Variants in SLC12A4 observed in about 807,000 individuals in gnomAD.
SLC12A4 encodes the protein solute carrier family 12 member 4.
A neutral mutation model predicts 119.2 loss-of-function variants in SLC12A4; 84 were observed. The observed-to-expected ratio is 0.70, with a 90% confidence interval of 0.59 to 0.85. The LOEUF (loss-of-function observed/expected upper bound fraction) is 0.85, where lower values mean the gene tolerates loss of function less well. SLC12A4 is among the 40% of genes least tolerant of loss of function. The pLI is 0.00. For synonymous variants in SLC12A4, 599 were observed against 604.6 expected, an observed-to-expected ratio of 0.99 and a Z score of 0.14; for missense variants, 1,298 against 1,476.3, an observed-to-expected ratio of 0.88 and a Z score of 1.98.
At chr16:67,946,852 G>A in intron 17 of SLC12A4, 85 bp downstream of exon 17, 1 of 1,479,442 alleles carries the variant, frequency 6.8e-7, no homozygotes, top group Non-Finnish European at 9.1e-7. Flanking sequence ...TGGCCACCCT[G>A]GCCAAGACTG....
rs769702101 is a variant in SLC12A4, at chr16:67,950,426, C to T, written c.1522G>A (p.Val508Ile). ...CACGTTGAAAAGAAGGAGCCGATGA[C>T]GATGACCCAGGGTGAAGGCCAGGCC... is the stretch of plus-strand genomic sequence containing the variant. ...TLAWPSPWVI[V>I]IGSFFSTCGA... The change falls in exon 12 of 24, where the codon GTC becomes ATC. Residue 508 changes from valine to isoleucine, a missense_variant. Transcript: ENST00000316341. The surrounding 1 kb of genome is among the most constrained non-coding windows in gnomAD (Gnocchi z 4.3). 30 of 1,613,918 alleles carry T rather than the reference C, an allele frequency of 1.9e-5. No individual in the cohort carries two copies. The highest frequency in any genetic ancestry group is 4.4e-5 in the South Asian group (4 of 91,090).
chr16:67,961,827 T>G, intron 2 of SLC12A4, 121 bp from the exon 3 acceptor site: 2 of 1,315,072 alleles, frequency 1.5e-6, no homozygotes, highest in Non-Finnish European at 2.1e-6. Flanking sequence ...CTGATCCCAG[T>G]TCCTACCTGG....
chr16:67,947,962 C>A, intron 14 of SLC12A4, 99 bp downstream of exon 14: 2 of 1,487,162 alleles, frequency 1.3e-6, no homozygotes, highest in Non-Finnish European at 1.9e-6. Flanking sequence ...TCTCCCTCCC[C>A]ACAGTGTTTC....
intron 6 of SLC12A4, chr16:67,954,213 G>A: frequency 2.8e-6 from 1 of 352,130 alleles, no homozygotes; most frequent in Non-Finnish European, 5.7e-6. Context: ...TTCTGTGGCT[G>A]CTTACCCTGA....
intron 1 of SLC12A4, among the ~76,000 whole-genome samples, chr16:67,965,149 T>A (rs2030806532): frequency 6.6e-6 from 1 of 152,224 alleles, no homozygotes; most frequent in Non-Finnish European, 1.5e-5. Flanking sequence ...GGCGGGGTCA[T>A]GTCGGACACT....
rs747357042 is a variant in SLC12A4 at position 67,950,296 on chromosome 16, T to TG, written c.1629+22dup. On this transcript the variant is annotated intron_variant, in intron 12 of 23. Coordinates refer to ENST00000316341, the MANE Select transcript of SLC12A4 (RefSeq NM_005072.5). This position sits in a 1 kb window ranked among gnomAD's most constrained non-coding sequence, Gnocchi z 4.3. ...CGAGGGCCTGGGAGCAGCCAGGCCA[T>TG]GGGGGAGTGCAGAGGGGCTCACCCG... 2.4e-5 allele frequency: 38 copies of TG among 1,610,244 alleles called. 1 individual carries two copies. In the Middle Eastern group the frequency reaches 8.6e-4, roughly 36 times the overall value.
rs570748244 is a variant in SLC12A4 at position 67,964,557 on chromosome 16, C to A, written c.116-998G>T. 9.2e-5 allele frequency among the ~76,000 whole-genome samples: 14 copies of A among 152,280 alleles called. No individual in the cohort carries two copies. In the South Asian group the frequency reaches 2.9e-3, roughly 32 times the overall value. ...GTTCCCTCCACCCCAGCTACCCTCG[C>A]AGCCCCGGCCCTGGCTCAAGGCCTC... On this transcript the variant is annotated intron_variant, in intron 1 of 23. Transcript: ENST00000316341.
At chr16:67,948,841 T>G (rs1598213726) in intron 13 of SLC12A4, among the ~76,000 whole-genome samples, 2 of 146,916 alleles carry the variant, frequency 1.4e-5, no homozygotes, top group African/African-American at 2.5e-5. Flanking sequence ...GAGGAAGGGG[T>G]GTGGGGGGGT....
chr16:67,954,840 C>A (rs2151332013), intron 5 of SLC12A4, 67 bp from the exon 6 acceptor site: 2 of 1,591,880 alleles, frequency 1.3e-6, no homozygotes, highest in South Asian at 2.2e-5. Context: ...CTCCCTGTGA[C>A]AAGCCTGCAC....
At chr16:67,963,783 G>T in intron 1 of SLC12A4, 1 of 1,158,896 alleles carries the variant, frequency 8.6e-7, no homozygotes, top group Non-Finnish European at 1.2e-6. Flanking sequence ...TCCCTCCAGT[G>T]AAGGGAATCC....
In SLC12A4 at chr16:67,950,584, G is replaced by T; in HGVS notation, c.1454+70C>A. ...GCCAGCAGGCTTAGGACCACCCACG[G>T]GGTTGGGAGCTGGTGTGAGGGCAGG... On this transcript the variant is annotated intron_variant, in intron 11 of 23. Coordinates refer to ENST00000316341, the MANE Select transcript of SLC12A4 (RefSeq NM_005072.5). The surrounding 1 kb of genome is among the most constrained non-coding windows in gnomAD (Gnocchi z 4.3). 1 of 1,607,244 alleles carries T rather than the reference G, an allele frequency of 6.2e-7. No individual in the cohort carries two copies. Among genetic ancestry groups the T allele is most frequent in the Non-Finnish European group, 8.5e-7 (1 of 1,176,008 alleles).
chr16:67,943,735 C>A lies in SLC12A4; in HGVS notation c.*1105G>T, dbSNP rs568288823. 2 of 584,708 alleles carry A rather than the reference C, an allele frequency of 3.4e-6. No homozygotes were observed. The highest frequency in any genetic ancestry group is 2.4e-5 in the South Asian group (1 of 42,218). The allele number at this position is 584,708 out of a possible 1,614,324, so 36.2% of individuals were successfully genotyped here. A position where few individuals can be genotyped will look rare whatever the true frequency, so the allele number is the denominator to read the frequency against. On this transcript the variant is annotated 3_prime_UTR_variant, in exon 24 of 24. Coordinates refer to ENST00000316341, the MANE Select transcript of SLC12A4 (RefSeq NM_005072.5). This position sits in a 1 kb window ranked among gnomAD's most constrained non-coding sequence, Gnocchi z 4.6. ...CACACCCCGTCCCCCACTCCGCCCC[C>A]CCTGGGTTAGACAACTGAGAGTCAC...
rs121908051 is a variant in SLC12A4, at chr16:67,944,001, G to T, written c.*839C>A. ...GAGCTCAGCCTTGGGCGTGGTGTGC[G>T]GGGGGAAGAGCACATTGAGGAGCCA... On this transcript the variant is annotated 3_prime_UTR_variant, in exon 24 of 24. Transcript: ENST00000316341. The surrounding 1 kb of genome is among the most constrained non-coding windows in gnomAD (Gnocchi z 6.6). 6 of 1,548,214 alleles carry T rather than the reference G, an allele frequency of 3.9e-6. No homozygotes were observed. Among genetic ancestry groups the T allele is most frequent in the Non-Finnish European group, 5.2e-6 (6 of 1,145,686 alleles).
chr16:67,963,945 GC>G (rs1351718225), intron 1 of SLC12A4: 1 of 1,551,320 alleles, frequency 6.4e-7, no homozygotes, highest in Non-Finnish European at 8.7e-7. Flanking sequence ...TGTGCAGGAT[GC>G]CAAGGGTTCG....
At chr16:67,965,948 G>A (rs2030849554) in intron 1 of SLC12A4, among the ~76,000 whole-genome samples, 1 of 152,184 alleles carries the variant, frequency 6.6e-6, no homozygotes. Context: ...GGAGCTGCAG[G>A]TTCCGTTCCT....
intron 5 of SLC12A4, among the ~76,000 whole-genome samples, chr16:67,957,370 C>T (rs140905933): frequency 5.9e-4 from 89 of 152,086 alleles, no homozygotes; most frequent in African/African-American, 1.9e-3. Context: ...GGGGTTTCAC[C>T]GTGTTGGCCA....
intron 2 of SLC12A4, 129 bp from the exon 3 acceptor site, chr16:67,961,835 TG>T: frequency 4.0e-6 from 5 of 1,248,416 alleles, no homozygotes; most frequent in East Asian, 2.4e-5. Context: ...AGTTCCTACC[TG>T]GGGAAGTCCA....
In SLC12A4 at chr16:67,949,818, A is replaced by G. The variant is rs755951009; in HGVS notation, c.1730T>C (p.Val577Ala). ...LGILIASLDM[V>A]APILSMFFLM... ...AGCTCACATGGATAAGATGGGGGCC[A>G]CCATGTCGAGGGAGGCGATGAGGAT... Residue 577 changes from valine to alanine, a missense_variant, in exon 13 of 24, where the codon GTG (valine) becomes GCG (alanine). Transcript: ENST00000316341. This position sits in a 1 kb window ranked among gnomAD's most constrained non-coding sequence, Gnocchi z 4.6. 28 of 1,609,922 alleles carry G rather than the reference A, an allele frequency of 1.7e-5. No individual in the cohort carries two copies. The highest frequency in any genetic ancestry group is 2.4e-5 in the Non-Finnish European group (28 of 1,177,850).
Position 67,951,822 on chromosome 16 carries a change from C to G in SLC12A4, c.1132+1G>C. On this transcript the variant is annotated splice_donor_variant, in intron 8 of 23. Transcript: ENST00000316341. LOFTEE classifies it high-confidence loss of function. This position sits in a 1 kb window ranked among gnomAD's most constrained non-coding sequence, Gnocchi z 5.2. ...GCAAGACGACGGGAGGGAGGACCCA[C>G]CCTGGAGCACACCAGCAGCTGCCCC... 1 of 1,610,566 alleles carries G rather than the reference C, an allele frequency of 6.2e-7. No homozygotes were observed. Among genetic ancestry groups the G allele is most frequent in the South Asian group, 1.1e-5 (1 of 90,706 alleles).
Sources: allele counts gnomAD v4.1 joint callset (sites outside exome capture counted in the v4.1 genomes callset), GRCh38; gene constraint gnomAD v4.1.1; non-coding constraint Gnocchi (gnomAD v3.1); transcripts MANE v1.5; gene names NCBI Gene and HGNC (gene_info 2026-07-23, HGNC 2026-07-21).